SH2D4B: variants seen among roughly 807,000 people sequenced by gnomAD.
SH2D4B encodes the protein SH2 domain-containing protein 4B.
A neutral mutation model predicts 61.5 loss-of-function variants in SH2D4B; 45 were observed. The ratio of observed to expected loss-of-function variants is 0.73; its 90% CI spans 0.58 to 0.94. The LOEUF is 0.94. Ranked by LOEUF, SH2D4B falls within the 40% of genes least tolerant of loss-of-function variation. The probability of loss-of-function intolerance (pLI) is 0.00; values close to 1 mark genes in which losing one functional copy is unlikely to be tolerated. For synonymous variants in SH2D4B, 224 were observed against 220.4 expected, an observed-to-expected ratio of 1.02 and a Z score of -0.14; for missense variants, 572 against 574.2, an observed-to-expected ratio of 1.00 and a Z score of 0.04.
At chr10:80,625,925 C>G (rs756979209) in intron 6 of SH2D4B, among the ~76,000 whole-genome samples, 2 of 152,076 alleles carry the variant, frequency 1.3e-5, no homozygotes, top group Non-Finnish European at 2.9e-5. Flanking sequence ...GATGCAGAGC[C>G]CACAGACAGG....
At chr10:80,589,676 T>C (rs953653099) in intron 4 of SH2D4B, among the ~76,000 whole-genome samples, 3 of 152,134 alleles carry the variant, frequency 2.0e-5, no homozygotes, top group African/African-American at 7.2e-5. Context: ...GACTAAGGGC[T>C]TGAAGGGAGG....
chr10:80,604,136 A>G (rs1273859804), intron 5 of SH2D4B, among the ~76,000 whole-genome samples: 3 of 152,232 alleles, frequency 2.0e-5, no homozygotes, highest in Admixed American at 6.5e-5. Flanking sequence ...GCCTCCGGCT[A>G]AGAACTTGTA....
intron 3 of SH2D4B, 122 bp from the exon 4 acceptor site, chr10:80,588,508 G>A (rs1240375009): frequency 7.0e-6 from 9 of 1,281,130 alleles, no homozygotes; most frequent in Non-Finnish European, 9.7e-6. Flanking sequence ...TAGGGACTGA[G>A]GCTGGAGAGG....
intron 6 of SH2D4B, among the ~76,000 whole-genome samples, chr10:80,614,511 T>C (rs950320743): frequency 1.3e-5 from 2 of 152,220 alleles, no homozygotes; most frequent in African/African-American, 4.8e-5. Flanking sequence ...GTGGGACAAA[T>C]ATCCAAACCA....
At chr10:80,579,512 C>T (rs187656441) in intron 3 of SH2D4B, among the ~76,000 whole-genome samples, 35 of 152,216 alleles carry the variant, frequency 2.3e-4, no homozygotes, top group Non-Finnish European at 3.7e-4. Flanking sequence ...CCACAGAACA[C>T]GGCTCAATAA....
chr10:80,643,679 C>T (rs1466727635), intron 7 of SH2D4B, among the ~76,000 whole-genome samples: 2 of 152,064 alleles, frequency 1.3e-5, no homozygotes, highest in Admixed American at 1.3e-4. Context: ...AGTCCCTCAA[C>T]TCTTCCTCGG....
intron 5 of SH2D4B, among the ~76,000 whole-genome samples, chr10:80,605,216 G>A (rs1050727313): frequency 6.6e-6 from 1 of 151,246 alleles, no homozygotes; most frequent in Non-Finnish European, 1.5e-5. Flanking sequence ...TCTGCACTTT[G>A]ATTGCTTTCC....
intron 1 of SH2D4B, among the ~76,000 whole-genome samples, chr10:80,566,981 G>A (rs990557291): frequency 4.6e-5 from 7 of 152,074 alleles, no homozygotes; most frequent in East Asian, 1.9e-4. Context: ...GCTGTCTTGC[G>A]CATGTAGAAA....
intron 3 of SH2D4B, among the ~76,000 whole-genome samples, chr10:80,573,815 G>A (rs1039626715): frequency 3.3e-5 from 5 of 150,416 alleles, no homozygotes; most frequent in Non-Finnish European, 7.4e-5. Flanking sequence ...TTTTTTTTCT[G>A]CCAGGGAAAC....
chr10:80,599,953 A>G (rs902943495), intron 4 of SH2D4B, among the ~76,000 whole-genome samples: 6 of 151,384 alleles, frequency 4.0e-5, no homozygotes, highest in African/African-American at 1.5e-4. Context: ...TCACTTCCCC[A>G]CCTCCACTCA....
At chr10:80,546,444 C>G (rs1009225288) in intron 1 of SH2D4B, among the ~76,000 whole-genome samples, 1 of 152,020 alleles carries the variant, frequency 6.6e-6, no homozygotes. Flanking sequence ...TGTATATTTG[C>G]CTGTATCTCC....
chr10:80,628,015 C>T (rs987546137), intron 6 of SH2D4B, among the ~76,000 whole-genome samples: 2 of 152,174 alleles, frequency 1.3e-5, no homozygotes, highest in Non-Finnish European at 2.9e-5. Context: ...TTCAAGGACT[C>T]GGACAGTATG....
chr10:80,628,696 T>C (rs7909061), intron 6 of SH2D4B, among the ~76,000 whole-genome samples: 14,018 of 152,170 alleles, frequency 0.092, 1,228 homozygotes, highest in African/African-American at 0.23. Context: ...CAATTTTGAT[T>C]TCTAGGCAAA....
rs113269918 is a variant in SH2D4B, at chr10:80,557,331, T to A, written c.185-12823T>A. 4.4e-3 allele frequency among the ~76,000 whole-genome samples: 673 copies of A among 152,278 alleles called. 2 individuals carry two copies. Among genetic ancestry groups the A allele is most frequent in the African/African-American group, 0.014 (599 of 41,578 alleles). ...TAAAAAATCTGTGTGATAGATATTG[T>A]TCTGTACTTTTCTTGAAATGTGTTT... On this transcript the variant is annotated intron_variant, in intron 1 of 7. Coordinates refer to ENST00000646907, the MANE Select transcript of SH2D4B (RefSeq NM_001388272.1).
intron 1 of SH2D4B, among the ~76,000 whole-genome samples, chr10:80,549,852 G>T (rs1368577959): frequency 6.6e-6 from 1 of 152,228 alleles, no homozygotes; most frequent in Non-Finnish European, 1.5e-5. Context: ...GCTGCTGTGA[G>T]CAGGCATGGG....
chr10:80,624,131 C>T (rs1842747319), intron 6 of SH2D4B, among the ~76,000 whole-genome samples: 1 of 152,226 alleles, frequency 6.6e-6, no homozygotes, highest in Non-Finnish European at 1.5e-5. Flanking sequence ...CCCCTCCATT[C>T]CTCACTGGAA....
intron 1 of SH2D4B, among the ~76,000 whole-genome samples, chr10:80,561,176 A>T (rs1449277573): frequency 6.6e-6 from 1 of 152,212 alleles, no homozygotes; most frequent in African/African-American, 2.4e-5. Context: ...CAAGCTATAT[A>T]TGTTTTTTCA....
intron 3 of SH2D4B, among the ~76,000 whole-genome samples, chr10:80,574,690 A>C (rs986686626): frequency 2.3e-5 from 3 of 131,358 alleles, no homozygotes; most frequent in African/African-American, 1.1e-4. Context: ...AGTTTTTATT[A>C]TCAATTAATT....
rs1840391651 is a variant in SH2D4B, at chr10:80,646,083, C to T, written c.*1998C>T. 6.6e-6 allele frequency: 1 copy of T among 152,608 alleles called. No homozygotes were observed. Among genetic ancestry groups the T allele is most frequent in the Non-Finnish European group, 1.5e-5 (1 of 68,044 alleles). 9.5% of individuals were successfully genotyped at this position (152,608 alleles called of 1,614,324 possible). A position where few individuals can be genotyped will look rare whatever the true frequency, so the allele number is the denominator to read the frequency against. On this transcript the variant is annotated 3_prime_UTR_variant, in exon 8 of 8. Coordinates refer to ENST00000646907, the MANE Select transcript of SH2D4B (RefSeq NM_001388272.1). ...AAAAGGGAGTTTTCTGTATGGCCGT[C>T]ACTAGGTTTTTTTGTGGGTTAGTTA...
Sources: gnomAD v4.1 joint callset for allele counts (sites outside exome capture counted in the v4.1 genomes callset) on GRCh38, gnomAD v4.1.1 for gene constraint, MANE v1.5 for transcripts, NCBI Gene and HGNC (gene_info 2026-07-23, HGNC 2026-07-21) for gene names.